Variants in NLGN1 observed in about 807,000 individuals in gnomAD.
The protein encoded by NLGN1 is neuroligin-1.
Under a neutral mutation model 65.5 loss-of-function variants are expected in NLGN1, and 12 were observed. That is an observed-to-expected ratio of 0.18 (90% CI 0.12 to 0.30). The LOEUF is 0.30. NLGN1 is among the 10% of genes least tolerant of loss of function. NLGN1 has a pLI of 1.00. For synonymous variants in NLGN1, 350 were observed against 359.5 expected (o/e 0.97, Z 0.30); for missense variants, 750 against 1,007.1 (o/e 0.74, Z 3.46).
chr3:173,408,634 C>T (rs974745006), intron 1 of NLGN1, among the ~76,000 whole-genome samples: 10 of 152,172 alleles, frequency 6.6e-5, no homozygotes, highest in Admixed American at 3.9e-4. Flanking sequence ...GCGCATTGGC[C>T]GGGCGCAGTG....
chr3:174,066,305 G>A lies in NLGN1; in HGVS notation c.647-209010G>A, dbSNP rs867681238. 2.0e-5 allele frequency among the ~76,000 whole-genome samples: 3 copies of A among 151,536 alleles called. No individual in the cohort carries two copies. In the South Asian group the frequency reaches 6.3e-4, roughly 32 times the overall value. On this transcript the variant is annotated intron_variant, in intron 4 of 6. Coordinates refer to ENST00000457714, the Ensembl canonical transcript of NLGN1. The stretch of plus-strand genomic sequence containing the variant: ...TAAAGTAACTTGAAAATTATGGACA[G>A]GTTTTTTTTTTAAGATTCTAAAATT...
chr3:173,939,011 G>GA (rs1182361728), intron 4 of NLGN1, among the ~76,000 whole-genome samples: 2 of 151,906 alleles, frequency 1.3e-5, no homozygotes, highest in African/African-American at 2.4e-5. Context: ...TTAAAAAATT[G>GA]AAAAAAATAT....
At chr3:173,576,611 A>T (rs1384789916) in intron 2 of NLGN1, among the ~76,000 whole-genome samples, 2 of 151,964 alleles carry the variant, frequency 1.3e-5, no homozygotes, top group East Asian at 1.9e-4. Flanking sequence ...TCTTACTCTT[A>T]TTCTGACCCC....
intron 2 of NLGN1, among the ~76,000 whole-genome samples, chr3:173,491,365 G>T (rs1289085605): frequency 6.6e-6 from 1 of 151,758 alleles, no homozygotes; most frequent in Admixed American, 6.6e-5. Context: ...TGTGGTTTTT[G>T]TCATTGGTTC....
chr3:173,881,331 T>G (rs549400985), intron 4 of NLGN1, among the ~76,000 whole-genome samples: 2 of 151,724 alleles, frequency 1.3e-5, no homozygotes, highest in East Asian at 3.9e-4. Context: ...TCTCCTGACC[T>G]TGTGATCCAC....
intron 3 of NLGN1, among the ~76,000 whole-genome samples, chr3:173,789,372 T>C (rs1217124266): frequency 6.6e-6 from 1 of 152,232 alleles, no homozygotes; most frequent in East Asian, 1.9e-4. Flanking sequence ...TAGTCCCCAC[T>C]ACTTCCAGCT....
At chr3:173,641,489 G>T (rs1473335643) in intron 3 of NLGN1, among the ~76,000 whole-genome samples, 1 of 152,112 alleles carries the variant, frequency 6.6e-6, no homozygotes, top group South Asian at 2.1e-4. Context: ...TAGAGACAGG[G>T]TTTCGCCATG....
intron 2 of NLGN1, among the ~76,000 whole-genome samples, chr3:173,467,127 T>A (rs1003150146): frequency 6.6e-6 from 1 of 152,140 alleles, no homozygotes; most frequent in Non-Finnish European, 1.5e-5. Flanking sequence ...CTTACTTACA[T>A]GTATATTTTT....
chr3:174,028,056 G>A (rs1056425574), intron 4 of NLGN1, among the ~76,000 whole-genome samples: 3 of 152,110 alleles, frequency 2.0e-5, no homozygotes, highest in African/African-American at 7.2e-5. Flanking sequence ...ATGTGACTTT[G>A]CTCCTCATTC....
At chr3:174,164,099 T>C (rs6445147) in intron 4 of NLGN1, among the ~76,000 whole-genome samples, 23,533 of 151,998 alleles carry the variant, frequency 0.15, 3,570 homozygotes, top group African/African-American at 0.4. Context: ...GCATCTGTTG[T>C]TTTTTCTTTT....
At chr3:173,835,175 T>G (rs529486917) in intron 4 of NLGN1, among the ~76,000 whole-genome samples, 1 of 152,336 alleles carries the variant, frequency 6.6e-6, no homozygotes, top group African/African-American at 2.4e-5. Context: ...CAGTAGACTC[T>G]GAGCATTATA....
At chr3:173,782,630 A>G (rs1340691613) in intron 3 of NLGN1, among the ~76,000 whole-genome samples, 3 of 151,926 alleles carry the variant, frequency 2.0e-5, no homozygotes, top group African/African-American at 7.3e-5. Context: ...GGCAGCCCCC[A>G]GGAGAGCAGG....
At chr3:173,741,323 T>C (rs1774609227) in intron 3 of NLGN1, among the ~76,000 whole-genome samples, 1 of 151,940 alleles carries the variant, frequency 6.6e-6, no homozygotes, top group South Asian at 2.1e-4. Flanking sequence ...CATAGAAAAA[T>C]TGATATTATA....
intron 4 of NLGN1, among the ~76,000 whole-genome samples, chr3:173,898,421 C>G (rs776337765): frequency 3.3e-5 from 5 of 152,140 alleles, no homozygotes; most frequent in Non-Finnish European, 7.4e-5. Flanking sequence ...ATTGTGCATT[C>G]AGAGATGTCA....
At chr3:173,674,696 T>C (rs1762894046) in intron 3 of NLGN1, among the ~76,000 whole-genome samples, 1 of 152,116 alleles carries the variant, frequency 6.6e-6, no homozygotes, top group Admixed American at 6.6e-5. Flanking sequence ...GGCTATTAAT[T>C]ATTACGGTAG....
intron 4 of NLGN1, among the ~76,000 whole-genome samples, chr3:174,240,451 G>T (rs916746508): frequency 4.0e-5 from 6 of 151,868 alleles, no homozygotes; most frequent in African/African-American, 1.5e-4. Flanking sequence ...AATAAGCAAG[G>T]ATTAAAAAGA....
chr3:173,942,749 ATGAC>A (rs1426115781), intron 4 of NLGN1, among the ~76,000 whole-genome samples: 1 of 152,192 alleles, frequency 6.6e-6, no homozygotes, highest in Non-Finnish European at 1.5e-5. Context: ...ATTACCTTCC[ATGAC>A]TGACTAAATC....
chr3:173,974,329 T>C (rs950917199), intron 4 of NLGN1, among the ~76,000 whole-genome samples: 2 of 152,058 alleles, frequency 1.3e-5, no homozygotes, highest in African/African-American at 4.8e-5. Flanking sequence ...ACATTTATTT[T>C]AGGACTCTTC....
intron 3 of NLGN1, among the ~76,000 whole-genome samples, chr3:173,637,813 C>G (rs560553953): frequency 6.6e-6 from 1 of 152,224 alleles, no homozygotes; most frequent in South Asian, 2.1e-4. Context: ...GTCATCCTAG[C>G]GTGCCATAGG....
Sources: gnomAD v4.1 joint callset for allele counts (sites outside exome capture counted in the v4.1 genomes callset) on GRCh38, gnomAD v4.1.1 for gene constraint, MANE v1.5 for transcripts, NCBI Gene and HGNC (gene_info 2026-07-23, HGNC 2026-07-21) for gene names.